CASP5: variants seen among roughly 807,000 people sequenced by gnomAD.
CASP5 encodes caspase 5.
A neutral mutation model predicts 45.2 loss-of-function variants in CASP5; 42 were observed. The observed-to-expected ratio is 0.93, with a 90% CI of 0.73 to 1.20. CASP5 has a LOEUF of 1.20. Ranked by LOEUF, CASP5 falls within the 50% of genes most tolerant of loss-of-function variation. The pLI is 0.00. For missense variants in CASP5, 512 were observed against 532.2 expected, an observed-to-expected ratio of 0.96 and a Z score of 0.37; for synonymous variants, 209 against 186.2, an observed-to-expected ratio of 1.12 and a Z score of -1.00.
chr11:105,018,480 A>G (rs1028017914), intron 1 of CASP5, among the ~76,000 whole-genome samples: 27 of 151,494 alleles, frequency 1.8e-4, no homozygotes, highest in African/African-American at 6.5e-4. Context: ...CAAATGGAAA[A>G]CAAAAAAAGG....
chr11:105,022,986 C>T (rs1055436080), intron 1 of CASP5, 144 bp downstream of exon 1: 1 of 760,918 alleles, frequency 1.3e-6, no homozygotes, highest in Non-Finnish European at 2.3e-6. Context: ...ATTCAAACTA[C>T]ATACCACCAA....
At chr11:105,019,230 A>G (rs1472669421) in intron 1 of CASP5, among the ~76,000 whole-genome samples, 1 of 151,192 alleles carries the variant, frequency 6.6e-6, no homozygotes, top group Non-Finnish European at 1.5e-5. Context: ...ACACCCTAAC[A>G]TCACAATTAA....
intron 1 of CASP5, among the ~76,000 whole-genome samples, chr11:105,012,365 T>C (rs1453662586): frequency 6.6e-6 from 1 of 151,734 alleles, no homozygotes; most frequent in Non-Finnish European, 1.5e-5. Flanking sequence ...ATGACACTGG[T>C]ATAGACAATG....
intron 3 of CASP5, among the ~76,000 whole-genome samples, chr11:105,005,343 T>A (rs1003142383): frequency 1.5e-5 from 2 of 132,950 alleles, no homozygotes; most frequent in African/African-American, 6.7e-5. Flanking sequence ...CGGTATATAG[T>A]GTGTATATAT....
chr11:105,005,687 G>A (rs1363109293), intron 3 of CASP5, among the ~76,000 whole-genome samples: 1 of 152,148 alleles, frequency 6.6e-6, no homozygotes, highest in African/African-American at 2.4e-5. Context: ...AGCCTCTGCT[G>A]ATCAGATAGG....
At chr11:105,009,764 C>CACACACGTATATATATATATAT (rs1565388078) in intron 1 of CASP5, among the ~76,000 whole-genome samples, 2 of 73,138 alleles carry the variant, frequency 2.7e-5, no homozygotes, top group Non-Finnish European at 5.4e-5. Context: ...TATATACACA[C>CACACACGTATATATATATATAT]ACACACGTAT....
chr11:105,019,871 C>T (rs1360960872), intron 1 of CASP5, among the ~76,000 whole-genome samples: 2 of 145,570 alleles, frequency 1.4e-5, no homozygotes, highest in African/African-American at 5.0e-5. Flanking sequence ...AATTTTAGAC[C>T]AATATCCTTG....
At position 105,000,280 on chromosome 11, in the gene CASP5, A is replaced by G. The variant is rs1369703435; in HGVS notation, c.933T>C (p.Ile311=). The G allele has an allele frequency of 6.2e-7, 1 of 1,614,236 alleles. No individual in the cohort carries two copies. Residue 311 remains isoleucine (I), a synonymous_variant, in exon 6 of 10, where the codon ATT becomes ATC. Transcript: ENST00000260315. ...LSLKDKPKVI[I]VQACRGEKHG... Reference sequence around the variant, plus strand: ...ACTCACCACCTCTGCAGGCCTGGACAATGATGACCTTGGGTTTGTCCTTTA... The same window carrying G: ...ACTCACCACCTCTGCAGGCCTGGACGATGATGACCTTGGGTTTGTCCTTTA...
At chr11:105,010,351 CATT>C (rs529236351) in intron 1 of CASP5, among the ~76,000 whole-genome samples, 10 of 149,800 alleles carry the variant, frequency 6.7e-5, no homozygotes, top group East Asian at 3.9e-4. Flanking sequence ...GAGTAATTAT[CATT>C]ATTATTAACA....
At chr11:104,995,504 TTTCA>T (rs1370308332) in intron 9 of CASP5, among the ~76,000 whole-genome samples, 1 of 152,192 alleles carries the variant, frequency 6.6e-6, no homozygotes, top group East Asian at 1.9e-4. Flanking sequence ...AACCTAGGAC[TTTCA>T]TTGTGTATTA....
chr11:105,003,633 C>A (rs1196759174), intron 3 of CASP5, among the ~76,000 whole-genome samples: 6 of 151,708 alleles, frequency 4.0e-5, no homozygotes, highest in African/African-American at 1.2e-4. Flanking sequence ...GAGAAAAAAT[C>A]TTGATGATTT....
At chr11:105,001,811 T>C (rs1300300790) in intron 5 of CASP5, among the ~76,000 whole-genome samples, 4 of 152,184 alleles carry the variant, frequency 2.6e-5, no homozygotes, top group South Asian at 4.1e-4. Flanking sequence ...TTTTGTCTAG[T>C]TTTATGGAGT....
intron 1 of CASP5, among the ~76,000 whole-genome samples, chr11:105,011,914 T>G (rs982105656): frequency 6.6e-6 from 1 of 151,752 alleles, no homozygotes; most frequent in African/African-American, 2.4e-5. Context: ...TCCAATGGCA[T>G]TTTTTACAGA....
intron 3 of CASP5, among the ~76,000 whole-genome samples, chr11:105,004,910 G>C (rs1861929415): frequency 6.6e-6 from 1 of 152,078 alleles, no homozygotes; most frequent in East Asian, 1.9e-4. Context: ...TAAAGGTTTG[G>C]AGAACTTCCA....
chr11:105,016,211 G>A (rs1258804127), intron 1 of CASP5, among the ~76,000 whole-genome samples: 2 of 152,178 alleles, frequency 1.3e-5, no homozygotes, highest in Non-Finnish European at 1.5e-5. Context: ...ATCTTTAAAG[G>A]TTAATAAATG....
At chr11:105,015,651 T>C (rs896080815) in intron 1 of CASP5, among the ~76,000 whole-genome samples, 2 of 152,070 alleles carry the variant, frequency 1.3e-5, no homozygotes, top group African/African-American at 2.4e-5. Context: ...GACTCCAGTC[T>C]ACGACCAGTA....
At chr11:105,009,005 C>A (rs1393258632) in intron 1 of CASP5, 25 bp from the exon 2 acceptor site, 3 of 1,607,758 alleles carry the variant, frequency 1.9e-6, no homozygotes, top group South Asian at 2.2e-5. Context: ...AAGACTCCTT[C>A]AACTCTGGGC....
intron 1 of CASP5, among the ~76,000 whole-genome samples, chr11:105,009,720 CATATATATATATAT>C (rs199695891): frequency 1.9e-4 from 12 of 64,070 alleles, no homozygotes; most frequent in South Asian, 1.6e-3. Context: ...TATATACACA[CATATATATATATAT>C]ATATATATAT....
intron 8 of CASP5, 37 bp downstream of exon 8, chr11:104,997,346 A>C (rs1861511325): frequency 1.5e-6 from 2 of 1,374,324 alleles, no homozygotes; most frequent in South Asian, 2.3e-5. Flanking sequence ...TTTCTGAGCA[A>C]ATAAGTAAAT....
Sources: allele counts gnomAD v4.1 joint callset (sites outside exome capture counted in the v4.1 genomes callset), GRCh38; gene constraint gnomAD v4.1.1; transcripts MANE v1.5; gene names NCBI Gene and HGNC (gene_info 2026-07-23, HGNC 2026-07-21).